Variants in HECW2 observed in about 807,000 individuals in gnomAD.
HECW2 encodes the protein HECT, C2 and WW domain containing E3 ubiquitin protein ligase 2.
Under a neutral mutation model 175.2 loss-of-function variants are expected in HECW2, and 61 were observed. The ratio of observed to expected loss-of-function variants is 0.35; its 90% confidence interval spans 0.28 to 0.43. HECW2 has a LOEUF of 0.43. HECW2 is among the 20% of genes least tolerant of loss of function. HECW2 has a pLI of 1.00. For missense variants in HECW2, 1,524 were observed against 2,000.5 expected, an observed-to-expected ratio of 0.76 and a Z score of 4.54; for synonymous variants, 671 against 731.0, an observed-to-expected ratio of 0.92 and a Z score of 1.32.
In HECW2 at chr2:196,342,072, A is replaced by C. The variant is rs886818093; in HGVS notation, c.400+1585T>G. Among the ~76,000 whole-genome samples the C allele has an allele frequency of 2.0e-4, 30 of 152,070 alleles. 1 individual carries two copies. Among genetic ancestry groups the C allele is most frequent in the Non-Finnish European group, 1.5e-5 (1 of 68,014 alleles). ...CTTAAGGCTCACTCAGAGCTCAACAACTCAGAAAAAGTTTAAAAAGCCCAT... is the reference window on the plus strand; with the variant it reads ...CTTAAGGCTCACTCAGAGCTCAACACCTCAGAAAAAGTTTAAAAAGCCCAT... On this transcript the variant is annotated intron_variant, in intron 3 of 28. Transcript: ENST00000644978.
At chr2:196,330,997 C>T in intron 4 of HECW2, 1 of 208,414 alleles carries the variant, frequency 4.8e-6, no homozygotes, top group Non-Finnish European at 8.4e-6. Context: ...AAAAATCACA[C>T]ATCCCCAGGA....
intron 1 of HECW2, among the ~76,000 whole-genome samples, chr2:196,500,024 T>C (rs908171457): frequency 1.3e-5 from 2 of 152,186 alleles, no homozygotes; most frequent in East Asian, 3.8e-4. Context: ...GGATTCTATT[T>C]TACATAAAGT....
At chr2:196,424,004 C>T (rs1695475468) in intron 2 of HECW2, among the ~76,000 whole-genome samples, 1 of 151,754 alleles carries the variant, frequency 6.6e-6, no homozygotes, top group African/African-American at 2.4e-5. Context: ...TGTGTGGAAA[C>T]CCCACATTGA....
At chr2:196,442,253 A>T (rs4850713) in intron 1 of HECW2, among the ~76,000 whole-genome samples, 143,926 of 152,246 alleles carry the variant, frequency 0.95, 68,158 homozygotes, top group East Asian at 1. Context: ...AAAAAATTGA[A>T]TCAATAAGTA....
Position 196,220,067 on chromosome 2 carries a change from A to G in HECW2, c.4380T>C (p.Asp1460=), listed in dbSNP as rs753312009. 2 of 1,611,234 alleles carry G rather than the reference A, an allele frequency of 1.2e-6. No homozygotes were observed. Among genetic ancestry groups the G allele is most frequent in the Admixed American group, 1.7e-5 (1 of 59,994 alleles). ...IAGTAEIDLS[D]WRNNTEYRGG... ...CTCTATATTCTGTGTTGTTTCTCCA[A>G]TCACTTAGGTCTATTTCAGCTGTGC... The change falls in exon 26 of 29, where the codon GAT becomes GAC. Residue 1460 remains aspartate (D), a synonymous_variant. Transcript: ENST00000644978.
intron 2 of HECW2, among the ~76,000 whole-genome samples, chr2:196,391,997 A>G (rs374939704): frequency 6.6e-6 from 1 of 152,162 alleles, no homozygotes; most frequent in Admixed American, 6.5e-5. Context: ...GGCCCACTGT[A>G]ATCCAGTATG....
intron 25 of HECW2, among the ~76,000 whole-genome samples, 171 bp from the exon 26 acceptor site, chr2:196,220,324 T>A (rs1050795172): frequency 1.3e-5 from 2 of 152,264 alleles, no homozygotes; most frequent in Non-Finnish European, 2.9e-5. Flanking sequence ...TTCTTTAGTA[T>A]AAGGTTGATG....
chr2:196,551,058 G>GT (rs1202842696), intron 1 of HECW2, among the ~76,000 whole-genome samples: 3 of 152,348 alleles, frequency 2.0e-5, no homozygotes, highest in East Asian at 1.9e-4. Flanking sequence ...AAATCTAAGT[G>GT]TTTGTCTTTT....
intron 22 of HECW2, among the ~76,000 whole-genome samples, chr2:196,227,570 C>G (rs1055741152): frequency 1.3e-5 from 2 of 152,130 alleles, no homozygotes; most frequent in Non-Finnish European, 2.9e-5. Context: ...ATCAATGCCC[C>G]CAGGTCACTA....
chr2:196,262,348 G>T (rs1035777077), intron 17 of HECW2, among the ~76,000 whole-genome samples: 3 of 151,926 alleles, frequency 2.0e-5, no homozygotes, highest in African/African-American at 7.3e-5. Flanking sequence ...TCTTAACAAA[G>T]AAATTCAATT....
chr2:196,585,194 CTTAT>C (rs1280965129), intron 1 of HECW2, among the ~76,000 whole-genome samples: 2 of 152,130 alleles, frequency 1.3e-5, no homozygotes, highest in African/African-American at 2.4e-5. Context: ...CAATTATATA[CTTAT>C]TTATTTATTC....
At chr2:196,216,544 A>C (rs972786290) in intron 27 of HECW2, among the ~76,000 whole-genome samples, 14 of 150,520 alleles carry the variant, frequency 9.3e-5, no homozygotes, top group Non-Finnish European at 4.4e-5. Flanking sequence ...AAAAAAAAAA[A>C]CACAAGTTAG....
chr2:196,418,633 A>G (rs1012307875), intron 2 of HECW2, among the ~76,000 whole-genome samples: 1 of 152,240 alleles, frequency 6.6e-6, no homozygotes, highest in African/African-American at 2.4e-5. Flanking sequence ...AAACAAGAGA[A>G]TAAGAAAAGA....
intron 1 of HECW2, among the ~76,000 whole-genome samples, chr2:196,560,626 G>A (rs1689964592): frequency 1.3e-5 from 2 of 152,184 alleles, no homozygotes; most frequent in Non-Finnish European, 2.9e-5. Flanking sequence ...AATGTGTCCA[G>A]AAAATCAGTT....
At chr2:196,399,506 GAAC>G (rs1306974398) in intron 2 of HECW2, among the ~76,000 whole-genome samples, 2 of 152,220 alleles carry the variant, frequency 1.3e-5, no homozygotes, top group African/African-American at 4.8e-5. Context: ...CTAATGAAGA[GAAC>G]AACGATTGCT....
chr2:196,400,291 T>C (rs1443196249), intron 2 of HECW2, among the ~76,000 whole-genome samples: 1 of 152,218 alleles, frequency 6.6e-6, no homozygotes, highest in East Asian at 1.9e-4. Context: ...GCATCACTCC[T>C]GTTACATACA....
At chr2:196,452,606 C>A (rs1184896966) in intron 1 of HECW2, among the ~76,000 whole-genome samples, 2 of 152,078 alleles carry the variant, frequency 1.3e-5, no homozygotes, top group African/African-American at 2.4e-5. Flanking sequence ...CAGTGCAAAG[C>A]CACTTTGGAA....
At chr2:196,258,027 C>G in intron 17 of HECW2, 121 bp from the exon 18 acceptor site, 1 of 665,016 alleles carries the variant, frequency 1.5e-6, no homozygotes, top group Non-Finnish European at 2.6e-6. Flanking sequence ...GTGGCAGCTA[C>G]TGTGTAATAC....
chr2:196,259,130 C>T (rs1197672338), intron 17 of HECW2, among the ~76,000 whole-genome samples: 12 of 152,128 alleles, frequency 7.9e-5, no homozygotes, highest in East Asian at 3.8e-4. Context: ...TGTGTCACCA[C>T]GCCCAGCTAA....
Sources: allele counts gnomAD v4.1 joint callset (sites outside exome capture counted in the v4.1 genomes callset), GRCh38; gene constraint gnomAD v4.1.1; transcripts MANE v1.5; gene names NCBI Gene and HGNC (gene_info 2026-07-23, HGNC 2026-07-21).